CSTPP1: variants seen among roughly 807,000 people sequenced by gnomAD.
CSTPP1 encodes the protein centriolar satellite-associated tubulin polyglutamylase complex regulator 1, also known as UPF0705 protein C11orf49.
chr11:47,117,989 C>G, the CSTPP1 span, among the ~76,000 whole-genome samples: 1 of 150,336 alleles, frequency 6.7e-6, no homozygotes, highest in Non-Finnish European at 1.5e-5. Flanking sequence ...AAGCAATTCT[C>G]CTGCCTCAGC....
chr11:47,064,051 T>G, the CSTPP1 span, among the ~76,000 whole-genome samples: 1 of 152,228 alleles, frequency 6.6e-6, no homozygotes, highest in Non-Finnish European at 1.5e-5. Context: ...TCTCATGGTT[T>G]TGATTTGCAT....
At chr11:47,042,573 A>G in the CSTPP1 span, among the ~76,000 whole-genome samples, 7 of 152,146 alleles carry the variant, frequency 4.6e-5, no homozygotes, top group African/African-American at 2.4e-5. Context: ...TTGTGCTATT[A>G]TAACTTTTTG....
chr11:47,041,945 T>C, the CSTPP1 span: 1 of 244,758 alleles, frequency 4.1e-6, no homozygotes, highest in East Asian at 7.9e-5. Flanking sequence ...CTCCAGTGGC[T>C]CTTGGAGGCT....
chr11:47,103,378 C>T, the CSTPP1 span, among the ~76,000 whole-genome samples: 1 of 132,020 alleles, frequency 7.6e-6, no homozygotes, highest in African/African-American at 2.8e-5. Context: ...CTGGCCTGGG[C>T]AACAAAGCAA....
chr11:47,032,666 T>C, the CSTPP1 span, among the ~76,000 whole-genome samples: 1 of 152,214 alleles, frequency 6.6e-6, no homozygotes, highest in African/African-American at 2.4e-5. Context: ...CATAGAGATT[T>C]CCTGAACTTC....
chr11:47,118,122 C>T, the CSTPP1 span, among the ~76,000 whole-genome samples: 1 of 152,136 alleles, frequency 6.6e-6, no homozygotes, highest in South Asian at 2.1e-4. Context: ...TCGTGATCCA[C>T]CTGCCTCGGC....
chr11:47,086,017 G>A, the CSTPP1 span, among the ~76,000 whole-genome samples: 4 of 151,832 alleles, frequency 2.6e-5, no homozygotes, highest in African/African-American at 7.3e-5. Context: ...TTAGAGTCAA[G>A]GAACTAATAT....
chr11:47,006,780 T>C, the CSTPP1 span, among the ~76,000 whole-genome samples: 1 of 145,462 alleles, frequency 6.9e-6, no homozygotes, highest in Non-Finnish European at 1.5e-5. Context: ...TTTTTAGAGA[T>C]AGGGTCTTGC....
the CSTPP1 span, among the ~76,000 whole-genome samples, chr11:47,091,046 CAAA>C: frequency 1.6e-3 from 131 of 83,630 alleles, no homozygotes; most frequent in South Asian, 0.025. Flanking sequence ...GACTCCATCT[CAAA>C]AAAAAAAAAA....
At chr11:47,036,223 TATATATA>T in the CSTPP1 span, among the ~76,000 whole-genome samples, 11 of 45,964 alleles carry the variant, frequency 2.4e-4, 3 homozygotes, top group Admixed American at 1.5e-3. Context: ...TAATATATAA[TATATATA>T]ATATATTATA....
the CSTPP1 span, among the ~76,000 whole-genome samples, chr11:47,103,014 T>C: frequency 3.0e-5 from 4 of 134,382 alleles, no homozygotes; most frequent in African/African-American, 1.1e-4. Flanking sequence ...AAAAGCCAGA[T>C]TGGGAGAAAG....
chr11:46,956,766 T>C, the CSTPP1 span, among the ~76,000 whole-genome samples: 11 of 152,138 alleles, frequency 7.2e-5, no homozygotes, highest in Admixed American at 3.9e-4. Flanking sequence ...CTTTATATTA[T>C]AGAAGATGAG....
At chr11:47,146,098 C>A in the CSTPP1 span, among the ~76,000 whole-genome samples, 1 of 152,036 alleles carries the variant, frequency 6.6e-6, no homozygotes, top group Non-Finnish European at 1.5e-5. Flanking sequence ...CACAGTGGCT[C>A]ACGCCTGTAA....
At chr11:47,122,069 CAAAAAAAAAA>C in the CSTPP1 span, among the ~76,000 whole-genome samples, 3 of 21,988 alleles carry the variant, frequency 1.4e-4, no homozygotes, top group Non-Finnish European at 2.3e-4. Flanking sequence ...GACCCTGTCT[CAAAAAAAAAA>C]AAAAAAAAAA....
chr11:47,117,063 A>G, the CSTPP1 span, among the ~76,000 whole-genome samples: 266 of 152,212 alleles, frequency 1.7e-3, no homozygotes, highest in Non-Finnish European at 2.9e-3. Context: ...AATACAGTAC[A>G]CTGATAGGTC....
At chr11:47,026,922 TACAC>T in the CSTPP1 span, among the ~76,000 whole-genome samples, 1 of 152,174 alleles carries the variant, frequency 6.6e-6, no homozygotes, top group African/African-American at 2.4e-5. Context: ...AATTATCATG[TACAC>T]ACAATTTTGT....
chr11:47,093,448 C>T, the CSTPP1 span, among the ~76,000 whole-genome samples: 1 of 152,150 alleles, frequency 6.6e-6, no homozygotes, highest in Non-Finnish European at 1.5e-5. Context: ...CCTTGTGTGC[C>T]AGGCACTGTT....
At chr11:47,164,231 C>G in the CSTPP1 span, 1 of 1,613,432 alleles carries the variant, frequency 6.2e-7, no homozygotes, top group Non-Finnish European at 8.5e-7. Flanking sequence ...CCTACCATTA[C>G]CGGTGGGAGC....
the CSTPP1 span, among the ~76,000 whole-genome samples, chr11:47,076,412 A>G: frequency 6.6e-6 from 1 of 152,238 alleles, no homozygotes; most frequent in Non-Finnish European, 1.5e-5. Context: ...GAAGCTCAAT[A>G]TAAACAAGCT....
Sources: gnomAD v4.1 joint callset for allele counts (sites outside exome capture counted in the v4.1 genomes callset) on GRCh38, gnomAD v4.1.1 for gene constraint, MANE v1.5 for transcripts, NCBI Gene and HGNC (gene_info 2026-07-23, HGNC 2026-07-21) for gene names.